PTK2: variants seen among roughly 807,000 people sequenced by gnomAD.
PTK2 encodes protein tyrosine kinase 2, also known as focal adhesion kinase 1.
In PTK2, 45 loss-of-function variants were observed where a neutral mutation model predicts 150.1. That is an observed-to-expected ratio of 0.30 (90% CI 0.24 to 0.38). PTK2 has a LOEUF of 0.38. Ranked by LOEUF, PTK2 falls within the 10% of genes least tolerant of loss-of-function variation. The pLI is 1.00. For synonymous variants in PTK2, 432 were observed against 449.2 expected, an observed-to-expected ratio of 0.96 and a Z score of 0.48; for missense variants, 919 against 1,307.3, an observed-to-expected ratio of 0.70 and a Z score of 4.58.
intron 1 of PTK2, among the ~76,000 whole-genome samples, chr8:140,964,257 T>TG (rs1439474166): frequency 1.6e-4 from 25 of 152,214 alleles, no homozygotes; most frequent in Non-Finnish European, 1.0e-4. Context: ...GACAGGGTCT[T>TG]GCTCTATCTT....
At chr8:140,698,135 C>T (rs967643211) in intron 26 of PTK2, among the ~76,000 whole-genome samples, 34 of 152,140 alleles carry the variant, frequency 2.2e-4, no homozygotes, top group Non-Finnish European at 4.9e-4. Flanking sequence ...TCCCCCAAGT[C>T]CCCCTAGTGA....
At chr8:140,927,973 A>ATATATATATATATAT (rs1257108435) in intron 1 of PTK2, among the ~76,000 whole-genome samples, 11 of 72,928 alleles carry the variant, frequency 1.5e-4, no homozygotes, top group South Asian at 5.1e-4. Context: ...AAAAAAAAAA[A>ATATATATATATATAT]AAATATATAT....
At chr8:141,000,242 A>G (rs2100199563) in intron 1 of PTK2, among the ~76,000 whole-genome samples, 1 of 152,122 alleles carries the variant, frequency 6.6e-6, no homozygotes. Flanking sequence ...GGGGAAGAGG[A>G]GAAAACTTGG....
chr8:140,972,644 C>T (rs2100187730), intron 1 of PTK2, among the ~76,000 whole-genome samples: 1 of 152,160 alleles, frequency 6.6e-6, no homozygotes, highest in Non-Finnish European at 1.5e-5. Flanking sequence ...TAAATACCTA[C>T]ATAATATTCT....
chr8:140,709,492 G>C (rs1000974855), intron 23 of PTK2, among the ~76,000 whole-genome samples: 17 of 152,202 alleles, frequency 1.1e-4, no homozygotes, highest in Non-Finnish European at 2.1e-4. Context: ...TCAGAGGTTA[G>C]CATGGTGGTC....
chr8:140,725,351 T>C (rs1266075482), intron 22 of PTK2, among the ~76,000 whole-genome samples: 2 of 142,756 alleles, frequency 1.4e-5, no homozygotes, highest in East Asian at 4.0e-4. Context: ...GTAGCTCTTA[T>C]TTGACCAACC....
chr8:140,942,755 C>T (rs2100176307), intron 1 of PTK2, among the ~76,000 whole-genome samples: 1 of 152,154 alleles, frequency 6.6e-6, no homozygotes, highest in African/African-American at 2.4e-5. Context: ...ACAATAAAAA[C>T]ATCAGGTGGA....
At chr8:140,837,126 T>A (rs2154603496) in intron 7 of PTK2, among the ~76,000 whole-genome samples, 1 of 152,320 alleles carries the variant, frequency 6.6e-6, no homozygotes, top group East Asian at 1.9e-4. Flanking sequence ...CCTTCTCTCC[T>A]CCTCACCTCT....
At chr8:140,702,536 G>A (rs186317138) in intron 25 of PTK2, 34 bp downstream of exon 28, 86 of 1,609,260 alleles carry the variant, frequency 5.3e-5, no homozygotes, top group Non-Finnish European at 7.1e-5. Context: ...TGCTTTATAA[G>A]TTAACAAACT....
chr8:140,751,758 C>T lies in PTK2; in HGVS notation c.1417+474G>A, dbSNP rs370747905. On this transcript the variant is annotated intron_variant, in intron 17 of 31. Coordinates refer to ENST00000522684, the Ensembl canonical transcript of PTK2. The stretch of plus-strand genomic sequence containing the variant: ...CTGCCTGCCTTGGCCTCCCAAAGTG[C>T]TAGGATTACAAGCGTGAGCTACCGT... 54 of 355,304 alleles carry T rather than the reference C, an allele frequency of 1.5e-4. No homozygotes were observed. In the East Asian group the frequency reaches 3.8e-3, roughly 25 times the overall value. 22.0% of individuals were successfully genotyped at this position (355,304 alleles called of 1,614,324 possible).
intron 1 of PTK2, among the ~76,000 whole-genome samples, chr8:140,991,380 G>C (rs953689756): frequency 3.9e-5 from 6 of 152,100 alleles, no homozygotes; most frequent in Non-Finnish European, 8.8e-5. Context: ...ACAAGTCCAG[G>C]AGCCATACAA....
At chr8:140,867,585 T>C (rs935143700) in intron 4 of PTK2, among the ~76,000 whole-genome samples, 6 of 152,050 alleles carry the variant, frequency 3.9e-5, no homozygotes, top group Non-Finnish European at 8.8e-5. Context: ...CACATCCACA[T>C]AAAGCAGGAA....
chr8:140,877,399 T>C (rs970852313), intron 4 of PTK2, among the ~76,000 whole-genome samples: 2 of 152,180 alleles, frequency 1.3e-5, no homozygotes, highest in African/African-American at 4.8e-5. Context: ...TATTCCCATA[T>C]TGAGATAGGC....
chr8:140,992,293 G>GAAA (rs397949814), intron 1 of PTK2, among the ~76,000 whole-genome samples: 1 of 120,610 alleles, frequency 8.3e-6, no homozygotes. Context: ...CTTCATCTCG[G>GAAA]AAAAAAAAAA....
intron 2 of PTK2, among the ~76,000 whole-genome samples, chr8:140,894,197 CCT>C (rs1469187794): frequency 6.6e-6 from 1 of 152,134 alleles, no homozygotes; most frequent in African/African-American, 2.4e-5. Flanking sequence ...GAGCATGCTT[CCT>C]CTCTCTGCTC....
At chr8:140,796,340 C>T (rs940500683) in intron 12 of PTK2, among the ~76,000 whole-genome samples, 4 of 152,298 alleles carry the variant, frequency 2.6e-5, no homozygotes, top group Non-Finnish European at 5.9e-5. Flanking sequence ...AACCAAGTCA[C>T]ACCAGGAAGA....
chr8:140,848,319 G>C (rs2100126936), intron 5 of PTK2, among the ~76,000 whole-genome samples: 1 of 152,138 alleles, frequency 6.6e-6, no homozygotes, highest in Non-Finnish European at 1.5e-5. Context: ...TCTTAAAGTA[G>C]GAGAAACATT....
chr8:140,797,078 G>A (rs2100092044), intron 12 of PTK2, among the ~76,000 whole-genome samples: 1 of 152,122 alleles, frequency 6.6e-6, no homozygotes, highest in African/African-American at 2.4e-5. Context: ...AGACAAATGG[G>A]CAGAGTACTC....
chr8:140,919,529 T>C (rs543172281), intron 2 of PTK2, among the ~76,000 whole-genome samples: 18 of 152,190 alleles, frequency 1.2e-4, no homozygotes, highest in Middle Eastern at 3.4e-3. Context: ...ATCAGAGCCT[T>C]AGTGTTAATC....
Sources: allele counts gnomAD v4.1 joint callset (sites outside exome capture counted in the v4.1 genomes callset), GRCh38; gene constraint gnomAD v4.1.1; transcripts MANE v1.5; gene names NCBI Gene and HGNC (gene_info 2026-07-23, HGNC 2026-07-21).